The following NTM variants were observed in gnomAD, a reference collection of about 807,000 sequenced individuals.
NTM encodes the protein neurotrimin, also known as IgLON family member 2.
In NTM, 13 loss-of-function variants were observed where a neutral mutation model predicts 42.1. The ratio of observed to expected loss-of-function variants is 0.31; its 90% CI spans 0.20 to 0.49. NTM has a LOEUF of 0.49. Ranked by LOEUF, NTM falls within the 20% of genes least tolerant of loss-of-function variation. NTM has a pLI of 0.99. For missense variants in NTM, 373 were observed against 452.8 expected, an observed-to-expected ratio of 0.82 and a Z score of 1.60; for synonymous variants, 187 against 179.2, an observed-to-expected ratio of 1.04 and a Z score of -0.35.
chr11:131,580,118 T>G (rs553912392), intron 1 of NTM, among the ~76,000 whole-genome samples: 1 of 152,202 alleles, frequency 6.6e-6, no homozygotes, highest in African/African-American at 2.4e-5. Context: ...CATAAAGGAA[T>G]CCGAGAGCTC....
intron 1 of NTM, among the ~76,000 whole-genome samples, chr11:131,670,387 CTTTT>C (rs796302763): frequency 4.7e-4 from 71 of 151,762 alleles, no homozygotes; most frequent in African/African-American, 1.3e-3. Context: ...TCCTTTCTTT[CTTTT>C]TCTTTCTTTC....
intron 1 of NTM, among the ~76,000 whole-genome samples, chr11:131,441,916 T>TCCA (rs1949655191): frequency 6.6e-6 from 1 of 152,164 alleles, no homozygotes; most frequent in Non-Finnish European, 1.5e-5. Context: ...GGGAAAACAC[T>TCCA]GGAGGCCTGG....
chr11:131,991,081 TGTA>T (rs1195221675), intron 2 of NTM, among the ~76,000 whole-genome samples: 11 of 152,330 alleles, frequency 7.2e-5, no homozygotes, highest in Middle Eastern at 3.4e-3. Flanking sequence ...CATTAAGCAC[TGTA>T]GTATGTACCA....
At chr11:131,740,534 A>G (rs2081051227) in intron 1 of NTM, among the ~76,000 whole-genome samples, 1 of 152,210 alleles carries the variant, frequency 6.6e-6, no homozygotes, top group African/African-American at 2.4e-5. Context: ...GGCTCACACT[A>G]AAATCCATAG....
intron 1 of NTM, among the ~76,000 whole-genome samples, chr11:131,813,225 G>T (rs1565583534): frequency 6.6e-6 from 1 of 152,166 alleles, no homozygotes; most frequent in Non-Finnish European, 1.5e-5. Context: ...TCAGTAACCA[G>T]ATCGTTGCCA....
Position 131,916,473 on chromosome 11 carries a change from G to A in NTM, c.167+4825G>A, listed in dbSNP as rs554424012. Among the ~76,000 whole-genome samples, 5 of 152,284 alleles carry A rather than the reference G, an allele frequency of 3.3e-5. No homozygotes were observed. In the East Asian group the frequency reaches 9.7e-4, roughly 29 times the overall value. On this transcript the variant is annotated intron_variant, in intron 2 of 8. Transcript: ENST00000683400. ...GATTGGATGATGTTGTTTTTCCCGGGTGAGTTAGGAATTGAAGGTCTGAGA... is the reference window on the plus strand; with the variant it reads ...GATTGGATGATGTTGTTTTTCCCGGATGAGTTAGGAATTGAAGGTCTGAGA...
intron 1 of NTM, among the ~76,000 whole-genome samples, chr11:131,895,789 G>A (rs2137597201): frequency 6.6e-6 from 1 of 152,230 alleles, no homozygotes; most frequent in East Asian, 1.9e-4. Context: ...AATGTTTCAT[G>A]GAGGAAGTAG....
intron 1 of NTM, among the ~76,000 whole-genome samples, chr11:131,524,388 G>T (rs11222684): frequency 6.6e-6 from 1 of 152,064 alleles, no homozygotes; most frequent in East Asian, 1.9e-4. Flanking sequence ...CCCTTCTGCT[G>T]CACTCTGTTA....
At chr11:131,792,531 T>G (rs2136156838) in intron 1 of NTM, among the ~76,000 whole-genome samples, 1 of 152,318 alleles carries the variant, frequency 6.6e-6, no homozygotes, top group South Asian at 2.1e-4. Flanking sequence ...TCAAACCTCA[T>G]GTGATCTCTA....
intron 4 of NTM, among the ~76,000 whole-genome samples, chr11:132,221,676 G>A (rs537298029): frequency 6.6e-6 from 1 of 152,298 alleles, no homozygotes; most frequent in Admixed American, 6.5e-5. Context: ...GCAAGCTCAA[G>A]TTTGAGAACT....
intron 1 of NTM, among the ~76,000 whole-genome samples, chr11:131,445,505 C>G (rs1344176660): frequency 6.6e-6 from 1 of 152,130 alleles, no homozygotes; most frequent in African/African-American, 2.4e-5. Flanking sequence ...TTTAGCATAC[C>G]AGAGATAGGG....
At chr11:131,825,623 C>T (rs1232168844) in intron 1 of NTM, among the ~76,000 whole-genome samples, 1 of 152,142 alleles carries the variant, frequency 6.6e-6, no homozygotes, top group Non-Finnish European at 1.5e-5. Context: ...AAGACAGTTG[C>T]AGCCATTCGG....
chr11:131,638,659 T>C (rs1270580759), intron 1 of NTM, among the ~76,000 whole-genome samples: 1 of 151,622 alleles, frequency 6.6e-6, no homozygotes, highest in Non-Finnish European at 1.5e-5. Flanking sequence ...ATGGGCTGGC[T>C]TCAAGTCATA....
chr11:131,400,137 G>A (rs1355174993), intron 1 of NTM, among the ~76,000 whole-genome samples: 5 of 152,020 alleles, frequency 3.3e-5, no homozygotes, highest in African/African-American at 7.2e-5. Flanking sequence ...TAAGGAAGCC[G>A]AGAAGGGCCC....
chr11:131,789,955 CAAAAAAA>C (rs36050979), intron 1 of NTM, among the ~76,000 whole-genome samples: 4 of 20,314 alleles, frequency 2.0e-4, no homozygotes, highest in African/African-American at 4.6e-4. Flanking sequence ...GACTCCGTCT[CAAAAAAA>C]AAAAAAAAAA....
chr11:131,756,301 G>A lies in NTM; in HGVS notation c.83-155263G>A, dbSNP rs182553190. The stretch of plus-strand genomic sequence containing the variant: ...AGGGATCTCCTCTTGTTAAAGAATT[G>A]CAGGCGGGGCGTGGTGACACACCTG... On this transcript the variant is annotated intron_variant, in intron 1 of 8. Coordinates refer to ENST00000683400, the MANE Select transcript of NTM (RefSeq NM_001352005.2). Among the ~76,000 whole-genome samples the A allele has an allele frequency of 3.0e-3, 450 of 152,262 alleles. 3 individuals are homozygous for A. Among genetic ancestry groups the A allele is most frequent in the African/African-American group, 0.01 (425 of 41,538 alleles).
intron 1 of NTM, among the ~76,000 whole-genome samples, chr11:131,499,041 G>A (rs769234592): frequency 4.6e-5 from 7 of 152,142 alleles, no homozygotes; most frequent in Non-Finnish European, 8.8e-5. Flanking sequence ...GCACTTGGAG[G>A]CACACTCTGG....
chr11:131,721,196 G>C (rs1252934187), intron 1 of NTM, among the ~76,000 whole-genome samples: 1 of 151,514 alleles, frequency 6.6e-6, no homozygotes, highest in Non-Finnish European at 1.5e-5. Flanking sequence ...CAGCTAATTA[G>C]TAGCAGTGTT....
intron 1 of NTM, among the ~76,000 whole-genome samples, chr11:131,805,994 T>C (rs1309442341): frequency 6.6e-6 from 1 of 152,238 alleles, no homozygotes; most frequent in Non-Finnish European, 1.5e-5. Context: ...ACATATTTTC[T>C]ATGGGAAAAT....
Sources: allele counts gnomAD v4.1 joint callset (sites outside exome capture counted in the v4.1 genomes callset), GRCh38; gene constraint gnomAD v4.1.1; transcripts MANE v1.5; gene names NCBI Gene and HGNC (gene_info 2026-07-23, HGNC 2026-07-21).